Variants in POLA1 observed in about 807,000 individuals in gnomAD.
POLA1 encodes the protein DNA polymerase alpha 1, catalytic subunit.
POLA1 carries 15 observed loss-of-function variants against 124.0 expected under a neutral mutation model. The observed-to-expected ratio is 0.12, with a 90% confidence interval of 0.08 to 0.19. The LOEUF is 0.19. POLA1 is among the 10% of genes least tolerant of loss of function. The pLI, the probability that POLA1 is intolerant of heterozygous loss-of-function variation, is 1.00. For synonymous variants in POLA1, 408 were observed against 389.4 expected, an observed-to-expected ratio of 1.05 and a Z score of -0.56; for missense variants, 886 against 1,103.4, an observed-to-expected ratio of 0.80 and a Z score of 2.79.
At chrX:24,726,093 G>T (rs968770827) in intron 13 of POLA1, 38 bp downstream of exon 13, 1 of 885,452 alleles carries the variant, frequency 1.1e-6, no homozygotes, top group Non-Finnish European at 1.6e-6. Flanking sequence ...TTTTGCTTGA[G>T]AATGACATTT....
At chrX:24,852,546 G>A (rs1453786792) in intron 34 of POLA1, among the ~76,000 whole-genome samples, 1 of 111,326 alleles carries the variant, frequency 9.0e-6, no homozygotes, top group Non-Finnish European at 1.9e-5. Context: ...CCGACCTCAG[G>A]TGATCCACCT....
intron 34 of POLA1, among the ~76,000 whole-genome samples, chrX:24,869,268 C>A (rs1425472573): frequency 8.9e-6 from 1 of 112,492 alleles, no homozygotes; most frequent in South Asian, 3.7e-4. Context: ...TCTTTTATGG[C>A]AGTTTGGGAC....
chrX:24,934,575 T>C (rs2047824439), intron 36 of POLA1, among the ~76,000 whole-genome samples: 1 of 112,519 alleles, frequency 8.9e-6, no homozygotes, highest in African/African-American at 3.2e-5. Flanking sequence ...TCTCTCCTCA[T>C]ATTCTGTGTC....
At chrX:24,727,966 A>G (rs372475110) in intron 15 of POLA1, 30 bp downstream of exon 15, 6 of 1,126,325 alleles carry the variant, frequency 5.3e-6, no homozygotes, top group African/African-American at 1.8e-5. Flanking sequence ...TTTTGTACCC[A>G]TGCCTTAGAT....
chrX:24,928,767 T>C (rs1238641991), intron 35 of POLA1, among the ~76,000 whole-genome samples: 1 of 111,651 alleles, frequency 9.0e-6, no homozygotes, highest in Non-Finnish European at 1.9e-5. Flanking sequence ...GTCGTCCTCC[T>C]TTTTTTTCCC....
At position 24,895,440 on chromosome X, in the gene POLA1, G is replaced by A. The variant is rs753969116; in HGVS notation, c.4164+7318G>A. On this transcript the variant is annotated intron_variant, in intron 35 of 36. Transcript: ENST00000379068. ...GTACAAGATGGAGAAAAGGCTGAAG[G>A]ATCCAAAGGATGTGCTTCCCAGCCT... 5.3e-5 allele frequency among the ~76,000 whole-genome samples: 6 copies of A among 112,407 alleles called. No individual in the cohort carries two copies. In the East Asian group the frequency reaches 1.7e-3, roughly 31 times the overall value.
At chrX:24,773,163 C>T (rs747560252) in intron 26 of POLA1, among the ~76,000 whole-genome samples, 3 of 112,031 alleles carry the variant, frequency 2.7e-5, no homozygotes, top group Non-Finnish European at 5.6e-5. Context: ...AAGGACCTGA[C>T]GAAGTTTTTC....
intron 34 of POLA1, among the ~76,000 whole-genome samples, chrX:24,859,963 A>G: frequency 8.9e-6 from 1 of 112,653 alleles, no homozygotes; most frequent in Non-Finnish European, 1.9e-5. Context: ...ATACACATAC[A>G]CATATTTTGC....
intron 34 of POLA1, among the ~76,000 whole-genome samples, chrX:24,848,130 A>G (rs1479897979): frequency 8.9e-6 from 1 of 112,132 alleles, no homozygotes; most frequent in Non-Finnish European, 1.9e-5. Flanking sequence ...AGATAGAAGA[A>G]TCTATCTCTA....
At chrX:24,959,673 C>T (rs967504930) in intron 36 of POLA1, among the ~76,000 whole-genome samples, 1 of 111,253 alleles carries the variant, frequency 9.0e-6, no homozygotes, top group Non-Finnish European at 1.9e-5. Context: ...ACACTTGAAA[C>T]GTGCCTAGTT....
chrX:24,875,259 A>T (rs956540051), intron 34 of POLA1, among the ~76,000 whole-genome samples: 5 of 111,723 alleles, frequency 4.5e-5, no homozygotes, highest in African/African-American at 1.6e-4. Context: ...ATTTATATGT[A>T]AGGGTTTCTT....
At chrX:24,886,364 A>G (rs2047065749) in intron 34 of POLA1, among the ~76,000 whole-genome samples, 1 of 112,302 alleles carries the variant, frequency 8.9e-6, no homozygotes, top group South Asian at 3.7e-4. Context: ...AAATTTTAAA[A>G]TAGTTTAGCC....
chrX:24,779,253 A>G (rs1436862048), intron 26 of POLA1, among the ~76,000 whole-genome samples: 2 of 110,717 alleles, frequency 1.8e-5, no homozygotes, highest in African/African-American at 6.6e-5. Context: ...TAATTTTTAT[A>G]TTTTTAGTAG....
rs191318566 is a variant in POLA1 at position 24,949,146 on chromosome X, G to C, written c.4261+18597G>C. On this transcript the variant is annotated intron_variant, in intron 36 of 36. Transcript: ENST00000379068. ...AAGACATGGGACCACATGGGAAGAA[G>C]TATAGCTGCCATAGCGTCTTAGAAA... Among the ~76,000 whole-genome samples the C allele has an allele frequency of 6.2e-5, 7 of 112,159 alleles. No individual in the cohort carries two copies. In the East Asian group the frequency reaches 1.7e-3, roughly 27 times the overall value.
chrX:24,732,152 A>G (rs746445209), intron 15 of POLA1, among the ~76,000 whole-genome samples: 2 of 110,781 alleles, frequency 1.8e-5, no homozygotes, highest in South Asian at 7.8e-4. Flanking sequence ...ACGGGGTTTT[A>G]CCATGTTGGC....
At chrX:24,720,970 C>A in intron 10 of POLA1, among the ~76,000 whole-genome samples, 1 of 112,787 alleles carries the variant, frequency 8.9e-6, no homozygotes, top group Non-Finnish European at 1.9e-5. Flanking sequence ...TCCATCATCA[C>A]AGAAATTTAT....
intron 5 of POLA1, 72 bp downstream of exon 5, chrX:24,714,741 A>C: frequency 3.5e-6 from 2 of 576,072 alleles, no homozygotes; most frequent in Non-Finnish European, 5.7e-6. Flanking sequence ...TTATACAGAT[A>C]ACAGGTGCTC....
At chrX:24,836,409 A>G (rs1240682313) in intron 32 of POLA1, among the ~76,000 whole-genome samples, 1 of 111,924 alleles carries the variant, frequency 8.9e-6, no homozygotes, top group Non-Finnish European at 1.9e-5. Flanking sequence ...CATCAGGGAC[A>G]TGTATGTTTA....
At chrX:24,893,393 T>C (rs1310149836) in intron 35 of POLA1, among the ~76,000 whole-genome samples, 1 of 112,250 alleles carries the variant, frequency 8.9e-6, no homozygotes, top group East Asian at 2.8e-4. Context: ...TTTTTCAATT[T>C]ACTTTTTTTT....
Sources: allele counts gnomAD v4.1 joint callset (sites outside exome capture counted in the v4.1 genomes callset), GRCh38; gene constraint gnomAD v4.1.1; transcripts MANE v1.5; gene names NCBI Gene and HGNC (gene_info 2026-07-23, HGNC 2026-07-21).